Variants in LRRTM4 observed in about 807,000 individuals in gnomAD.
LRRTM4 encodes the protein leucine rich repeat transmembrane neuronal 4.
LRRTM4 carries 25 observed loss-of-function variants against 47.6 expected under a neutral mutation model. The ratio of observed to expected loss-of-function variants is 0.53; its 90% CI spans 0.38 to 0.73. The LOEUF (loss-of-function observed/expected upper bound fraction) is 0.73. LRRTM4 is among the 30% of genes least tolerant of loss of function. The pLI, the probability that LRRTM4 is intolerant of heterozygous loss-of-function variation, is 0.00. For missense variants in LRRTM4, 638 were observed against 713.4 expected (o/e 0.89, Z 1.20); for synonymous variants, 311 against 269.5 (o/e 1.15, Z -1.51).
At chr2:77,024,556 A>G (rs566357255) in intron 3 of LRRTM4, among the ~76,000 whole-genome samples, 1 of 151,094 alleles carries the variant, frequency 6.6e-6, no homozygotes, top group South Asian at 2.1e-4. Context: ...GGAAAAGGGA[A>G]AAATCACATT....
At chr2:77,489,642 A>G (rs2178758) in intron 3 of LRRTM4, among the ~76,000 whole-genome samples, 93,353 of 152,140 alleles carry the variant, frequency 0.61, 29,434 homozygotes, top group African/African-American at 0.72. Flanking sequence ...AAATAATTTA[A>G]TATTTTAAAG....
At chr2:76,855,749 A>G (rs17013248) in intron 3 of LRRTM4, among the ~76,000 whole-genome samples, 19,605 of 152,108 alleles carry the variant, frequency 0.13, 1,730 homozygotes, top group East Asian at 0.45. Flanking sequence ...TCCTGTAGGC[A>G]TATTTCTGTA....
intron 3 of LRRTM4, among the ~76,000 whole-genome samples, chr2:76,808,978 G>C (rs1425722998): frequency 3.3e-5 from 5 of 152,136 alleles, no homozygotes; most frequent in Admixed American, 3.3e-4. Context: ...GTGTTTGTCA[G>C]ATGCTTAGAG....
At chr2:76,821,182 A>C (rs1380287362) in intron 3 of LRRTM4, among the ~76,000 whole-genome samples, 1 of 151,712 alleles carries the variant, frequency 6.6e-6, no homozygotes, top group Non-Finnish European at 1.5e-5. Context: ...GTGGCATATA[A>C]TGTGTGATAT....
In LRRTM4 at chr2:77,063,325, A is replaced by C. The variant is rs180831068; in HGVS notation, c.1552-314409T>G. On this transcript the variant is annotated intron_variant, in intron 3 of 3. Transcript: ENST00000409884. ...TTGTGTCCAGGTTTTATATCACAGT[A>C]AGATCTCCAAAGACTTGTTTTACAT... 2.8e-3 allele frequency among the ~76,000 whole-genome samples: 432 copies of C among 152,240 alleles called. 1 individual carries two copies. The highest frequency in any genetic ancestry group is 0.014 in the Middle Eastern group (4 of 294).
At chr2:77,039,818 G>C (rs1025221139) in intron 3 of LRRTM4, among the ~76,000 whole-genome samples, 1 of 150,262 alleles carries the variant, frequency 6.7e-6, no homozygotes, top group African/African-American at 2.4e-5. Context: ...AAAATAATTA[G>C]GACAACATTG....
At chr2:76,868,892 C>A (rs1330933880) in intron 3 of LRRTM4, among the ~76,000 whole-genome samples, 1 of 152,046 alleles carries the variant, frequency 6.6e-6, no homozygotes, top group Non-Finnish European at 1.5e-5. Flanking sequence ...ATTATTATAC[C>A]TTTCCTGGCC....
At chr2:77,477,506 T>C (rs1677449695) in intron 3 of LRRTM4, among the ~76,000 whole-genome samples, 1 of 152,108 alleles carries the variant, frequency 6.6e-6, no homozygotes, top group South Asian at 2.1e-4. Context: ...ATATCTGTCA[T>C]TGCTATATAC....
At chr2:76,861,996 G>A (rs772772743) in intron 3 of LRRTM4, among the ~76,000 whole-genome samples, 1 of 151,944 alleles carries the variant, frequency 6.6e-6, no homozygotes, top group African/African-American at 2.4e-5. Flanking sequence ...TCTTTGTGGA[G>A]ATTTTCAGGT....
intron 3 of LRRTM4, among the ~76,000 whole-genome samples, chr2:77,344,164 A>G (rs1573285647): frequency 6.6e-6 from 1 of 152,030 alleles, no homozygotes; most frequent in East Asian, 1.9e-4. Flanking sequence ...ATATTAACAT[A>G]TTCAAGAAAC....
intron 3 of LRRTM4, among the ~76,000 whole-genome samples, chr2:76,979,707 T>TAGATAGATAGATAGAC (rs1553439623): frequency 0.016 from 2,480 of 151,302 alleles, 60 homozygotes; most frequent in African/African-American, 0.054. Flanking sequence ...GATAGATAGA[T>TAGATAGATAGATAGAC]AGATAGATAG....
intron 3 of LRRTM4, among the ~76,000 whole-genome samples, chr2:77,441,427 T>C (rs1675837878): frequency 6.6e-6 from 1 of 152,220 alleles, no homozygotes; most frequent in African/African-American, 2.4e-5. Flanking sequence ...CCTTATTTAA[T>C]GCTTACAATC....
chr2:76,881,646 T>G (rs1015764607), intron 3 of LRRTM4, among the ~76,000 whole-genome samples: 3 of 152,134 alleles, frequency 2.0e-5, no homozygotes, highest in Non-Finnish European at 4.4e-5. Flanking sequence ...CTTCTTTTTT[T>G]CTAATAACCA....
At chr2:77,049,755 TTTA>T (rs1249456432) in intron 3 of LRRTM4, among the ~76,000 whole-genome samples, 3 of 151,838 alleles carry the variant, frequency 2.0e-5, no homozygotes, top group African/African-American at 7.3e-5. Context: ...CTTTACTCTG[TTTA>T]TTGTTTTCCT....
At chr2:77,396,959 C>T (rs1277958337) in intron 3 of LRRTM4, among the ~76,000 whole-genome samples, 2 of 151,878 alleles carry the variant, frequency 1.3e-5, no homozygotes, top group African/African-American at 4.8e-5. Flanking sequence ...CAACTCTTGA[C>T]CTGTGGCTTC....
chr2:76,820,376 T>C (rs572556907), intron 3 of LRRTM4, among the ~76,000 whole-genome samples: 1 of 151,918 alleles, frequency 6.6e-6, no homozygotes. Context: ...CAAGGCTAGA[T>C]TAGGTCCTGG....
intron 3 of LRRTM4, among the ~76,000 whole-genome samples, chr2:77,231,207 GCACA>G (rs368017161): frequency 1.3e-5 from 2 of 150,198 alleles, no homozygotes; most frequent in Non-Finnish European, 3.0e-5. Flanking sequence ...AAGTACACAT[GCACA>G]CACACACACA....
Position 76,842,068 on chromosome 2 carries a change from C to G in LRRTM4, c.1552-93152G>C, listed in dbSNP as rs538971226. Reference sequence around the variant, plus strand: ...CTATGAGGCTGTTTTCCAGGAGTGACTGAAATTTGAATATGGTAAACTGAG... The same window carrying G: ...CTATGAGGCTGTTTTCCAGGAGTGAGTGAAATTTGAATATGGTAAACTGAG... On this transcript the variant is annotated intron_variant, in intron 3 of 3. Coordinates refer to ENST00000409884, the MANE Select transcript of LRRTM4 (RefSeq NM_001134745.3). Among the ~76,000 whole-genome samples, 14 of 152,236 alleles carry G rather than the reference C, an allele frequency of 9.2e-5. No homozygotes were observed. The East Asian group carries it at 2.7e-3, about 29-fold the overall frequency.
At chr2:76,932,086 T>C (rs1425478541) in intron 3 of LRRTM4, among the ~76,000 whole-genome samples, 1 of 152,160 alleles carries the variant, frequency 6.6e-6, no homozygotes, top group Non-Finnish European at 1.5e-5. Context: ...TCAACGTGAA[T>C]TTTATTGTGT....
Sources: allele counts gnomAD v4.1 joint callset (sites outside exome capture counted in the v4.1 genomes callset), GRCh38; gene constraint gnomAD v4.1.1; transcripts MANE v1.5; gene names NCBI Gene and HGNC (gene_info 2026-07-23, HGNC 2026-07-21).